Variants in RABGGTA observed in about 807,000 individuals in gnomAD.
The protein encoded by RABGGTA is geranylgeranyl transferase type-2 subunit alpha.
In RABGGTA, 69 loss-of-function variants were observed where a neutral mutation model predicts 83.3. The ratio of observed to expected loss-of-function variants is 0.83; its 90% CI spans 0.68 to 1.01. The LOEUF (loss-of-function observed/expected upper bound fraction) is 1.01, where lower values mean the gene tolerates loss of function less well. RABGGTA is among the 50% of genes least tolerant of loss of function. The probability of loss-of-function intolerance (pLI) is 0.00; values close to 1 mark genes in which losing one functional copy is unlikely to be tolerated. For synonymous variants in RABGGTA, 310 were observed against 299.8 expected, an observed-to-expected ratio of 1.03 and a Z score of -0.35; for missense variants, 681 against 712.7, an observed-to-expected ratio of 0.96 and a Z score of 0.51.
chr14:24,269,089 G>A lies in RABGGTA; in HGVS notation c.706C>T (p.Leu236=), dbSNP rs747307493. ...TTTCCTCATTGCTCACCTCGGCCTA[G>A]GAGCCAACGGTGATAAAACCAGGCA... The part of the protein sequence containing the change: ...QSAWFYHRWL[L]GRADPQDALR... The change falls in exon 7 of 17, where the codon CTA becomes TTA. Residue 236 remains leucine (L), a synonymous_variant. Coordinates refer to ENST00000216840, the MANE Select transcript of RABGGTA (RefSeq NM_182836.3). 8 of 1,609,098 alleles carry A rather than the reference G, an allele frequency of 5.0e-6. No individual in the cohort carries two copies. The highest frequency in any genetic ancestry group is 6.8e-6 in the Non-Finnish European group (8 of 1,177,706).
At chr14:24,265,803 C>T in intron 16 of RABGGTA, 40 bp from the exon 17 acceptor site, 1 of 1,560,962 alleles carries the variant, frequency 6.4e-7, no homozygotes, top group East Asian at 2.3e-5. Flanking sequence ...CAGGTTCCTC[C>T]CAATTTATTT....
intron 14 of RABGGTA, 58 bp downstream of exon 14, chr14:24,267,602 G>A (rs2040889441): frequency 4.3e-6 from 6 of 1,410,826 alleles, no homozygotes; most frequent in East Asian, 2.4e-5. Flanking sequence ...GCAAAGTCAG[G>A]GACGTGGGGA....
Position 24,267,957 on chromosome 14 carries a change from C to A in RABGGTA, c.1149G>T (p.Trp383Cys). The change falls in exon 13 of 17, where the codon TGG becomes TGT. Residue 383 changes from tryptophan (W) to cysteine (C), a missense_variant and splice_region_variant. Trp to Cys is a radical substitution (Grantham distance 215). Transcript: ENST00000216840. ...TCAGCAGGATGATGGTAAGCAGGCA[C>A]CCTGAGGAGAGGGCAGGGAAAAGGA... ...ELQELEPENK[W>C]CLLTIILLMR... 6.2e-7 allele frequency: 1 copy of A among 1,613,654 alleles called. No individual in the cohort carries two copies. Among genetic ancestry groups the A allele is most frequent in the Non-Finnish European group, 8.5e-7 (1 of 1,179,776 alleles).
In RABGGTA at chr14:24,268,624, G is replaced by A; in HGVS notation, c.901-5C>T. On this transcript the variant is annotated splice_region_variant and splice_polypyrimidine_tract_variant and intron_variant, in intron 9 of 16. Transcript: ENST00000216840. Reference sequence around the variant, plus strand: ...GGCAGCAGGCAGGTCACAGAGCTGGGAGTACTGGGTCAAGGAAATGCCCCA... The same window carrying A: ...GGCAGCAGGCAGGTCACAGAGCTGGAAGTACTGGGTCAAGGAAATGCCCCA... 6.2e-7 allele frequency: 1 copy of A among 1,613,610 alleles called. No homozygotes were observed. The highest frequency in any genetic ancestry group is 8.5e-7 in the Non-Finnish European group (1 of 1,179,604).
chr14:24,266,933 A>T, intron 14 of RABGGTA, 44 bp from the exon 15 acceptor site: 5 of 1,439,056 alleles, frequency 3.5e-6, no homozygotes, highest in Non-Finnish European at 4.9e-6. Context: ...TTCCCAGGAG[A>T]CCTGGGAGAG....
Position 24,265,665 on chromosome 14 carries a change from A to G in RABGGTA, c.1654T>C (p.Leu552=), listed in dbSNP as rs1233444110. 25 of 1,613,616 alleles carry G rather than the reference A, an allele frequency of 1.5e-5. No individual in the cohort carries two copies. Among genetic ancestry groups the G allele is most frequent in the Non-Finnish European group, 2.0e-5 (24 of 1,179,820 alleles). The change falls in exon 17 of 17, where the codon TTG becomes CTG. Residue 552 remains leucine, a synonymous_variant. Coordinates refer to ENST00000216840, the MANE Select transcript of RABGGTA (RefSeq NM_182836.3). Reference sequence around the variant, plus strand: ...GGCAGCAGTTCAGCCAGTTGCTCCAAGATGCCCACCGCTTGGCACAGCGGG... The same window carrying G: ...GGCAGCAGTTCAGCCAGTTGCTCCAGGATGCCCACCGCTTGGCACAGCGGG... The part of the protein sequence containing the change: ...GNPLCQAVGI[L]EQLAELLPSV...
chr14:24,267,690 G>A lies in RABGGTA; in HGVS notation c.1323C>T (p.Ala441=), dbSNP rs754720140. ...GAGCCAGGTGCAGCACACGCACCTC[G>A]GCATACTCCATCTTGAGCACGCTAT... ...LENSVLKMEY[A]EVRVLHLAHK... Residue 441 remains alanine (A), a synonymous_variant, in exon 14 of 17, where the codon GCC becomes GCT. Transcript: ENST00000216840. 1.5e-5 allele frequency: 24 copies of A among 1,611,666 alleles called. No individual in the cohort carries two copies. Among genetic ancestry groups the A allele is most frequent in the Admixed American group, 1.0e-4 (6 of 59,958 alleles).
rs1198657322 is a variant in RABGGTA, at chr14:24,266,314, GC to G, written c.1555+115del. 5 of 922,912 alleles carry G rather than the reference GC, an allele frequency of 5.4e-6. No individual in the cohort carries two copies. In the African/African-American group the frequency reaches 8.1e-5, roughly 15 times the overall value. 57.2% of individuals were successfully genotyped at this position (922,912 alleles called of 1,614,324 possible). A position where few individuals can be genotyped will look rare whatever the true frequency, so the allele number is the denominator to read the frequency against. On this transcript the variant is annotated intron_variant, in intron 16 of 16. Transcript: ENST00000216840. The stretch of plus-strand genomic sequence containing the variant: ...CTCCCCCTTCAACTCACACTACAGA[GC>G]CCCCTCTCTCCTGCCCTGCAAGAGG...
At chr14:24,269,893 G>A in intron 5 of RABGGTA, 60 bp downstream of exon 5, 1 of 1,575,370 alleles carries the variant, frequency 6.3e-7, no homozygotes, top group Non-Finnish European at 8.6e-7. Flanking sequence ...CCTTACTGAG[G>A]CCCCAGTACC....
Position 24,270,013 on chromosome 14 carries a change from G to C in RABGGTA, c.367C>G (p.Pro123Ala). ...RCWLLGRLPE[P>A]NWTRELELCA... ...AGCTCCAGCTCTCGGGTCCAGTTGGGCTCAGGCAGGCGGCCTAGCAGCCAG... is the reference window on the plus strand; with the variant it reads ...AGCTCCAGCTCTCGGGTCCAGTTGGCCTCAGGCAGGCGGCCTAGCAGCCAG... Residue 123 changes from proline (P) to alanine (A), a missense_variant, in exon 5 of 17, where the codon CCC (proline) becomes GCC (alanine). Physicochemically the swap from Pro to Ala is conservative, Grantham distance 27. Transcript: ENST00000216840. The C allele has an allele frequency of 6.2e-7, 1 of 1,613,614 alleles. No homozygotes were observed. Among genetic ancestry groups the C allele is most frequent in the Non-Finnish European group, 8.5e-7 (1 of 1,179,762 alleles).
At chr14:24,266,360 C>T in intron 16 of RABGGTA, 70 bp downstream of exon 16, 1 of 1,416,102 alleles carries the variant, frequency 7.1e-7, no homozygotes, top group Non-Finnish European at 1.0e-6. Flanking sequence ...ACCCTGCCTG[C>T]TGTCTGTCCC....
rs373930344 is a variant in RABGGTA, at chr14:24,265,729, G to A, written c.1590C>T (p.Ala530=). 7 of 1,611,956 alleles carry A rather than the reference G, an allele frequency of 4.3e-6. No individual in the cohort carries two copies. Among genetic ancestry groups the A allele is most frequent in the South Asian group, 2.2e-5 (2 of 90,644 alleles). The change falls in exon 17 of 17, where the codon GCC becomes GCT. Residue 530 remains alanine, a synonymous_variant. Coordinates refer to ENST00000216840, the MANE Select transcript of RABGGTA (RefSeq NM_182836.3). Reference sequence around the variant, plus strand: ...TGAGGAGGACCAGCCTGGGGCAGGAGGCAAGAGGCTGGAGCACTGCAGGCT... The same window carrying A: ...TGAGGAGGACCAGCCTGGGGCAGGAAGCAAGAGGCTGGAGCACTGCAGGCT... ...LQQPAVLQPL[A]SCPRLVLLNL...
In RABGGTA at chr14:24,271,516, G is replaced by T. The variant is rs926111704; in HGVS notation, c.-84C>A. 11 of 173,100 alleles carry T rather than the reference G, an allele frequency of 6.4e-5. No individual in the cohort carries two copies. The highest frequency in any genetic ancestry group is 1.2e-4 in the Non-Finnish European group (10 of 82,348). The allele number at this position is 173,100 out of a possible 1,614,324, so 10.7% of individuals were successfully genotyped here. ...GCTGGGAGGAGGCGCGGGGGACGCG[G>T]AGCTGCGGCGCCCGCCACAGAGCCC... On this transcript the variant is annotated 5_prime_UTR_variant, in exon 1 of 17. Transcript: ENST00000216840.
intron 2 of RABGGTA, 36 bp downstream of exon 2, chr14:24,271,077 C>A: frequency 6.4e-7 from 1 of 1,567,712 alleles, no homozygotes; most frequent in Non-Finnish European, 8.7e-7. Flanking sequence ...AGGGCGCGGG[C>A]CTGCGGAGGT....
chr14:24,267,741 G>A lies in RABGGTA; in HGVS notation c.1272C>T (p.Asp424=). ...VDPMRATYLD[D]LRSKFLLENS... ...TCTCCAGCAAGAACTTGCTGCGCAG[G>A]TCATCCAGATACGTTGCCCGCATGG... Residue 424 remains aspartate (D), a synonymous_variant, in exon 14 of 17, where the codon GAC becomes GAT. Transcript: ENST00000216840. 2 of 1,612,230 alleles carry A rather than the reference G, an allele frequency of 1.2e-6. No individual in the cohort carries two copies. The highest frequency in any genetic ancestry group is 1.7e-6 in the Non-Finnish European group (2 of 1,179,840).
At chr14:24,266,984 C>T in intron 14 of RABGGTA, 95 bp from the exon 15 acceptor site, 1 of 914,980 alleles carries the variant, frequency 1.1e-6, no homozygotes, top group Non-Finnish European at 1.8e-6. Context: ...CCCTCTGTGC[C>T]CCACAGGCCC....
intron 14 of RABGGTA, among the ~76,000 whole-genome samples, chr14:24,267,319 G>GT (rs370447071): frequency 2.6e-5 from 4 of 152,306 alleles, no homozygotes; most frequent in African/African-American, 9.6e-5. Flanking sequence ...TCTCTGGAAA[G>GT]TATTTGGCCT....
Position 24,271,131 on chromosome 14 carries a change from T to C in RABGGTA, c.-16A>G, listed in dbSNP as rs1566389375. 3 of 1,539,350 alleles carry C rather than the reference T, an allele frequency of 1.9e-6. No homozygotes were observed. In the African/African-American group the frequency reaches 4.2e-5, roughly 21 times the overall value. ...TTCTCACCATGGTGCCGGCTCAGGG[T>C]TCAAGACAGGGGAAGGGTCCAGTGG... is the stretch of plus-strand genomic sequence containing the variant. On this transcript the variant is annotated 5_prime_UTR_variant, in exon 2 of 17. Coordinates refer to ENST00000216840, the MANE Select transcript of RABGGTA (RefSeq NM_182836.3).
chr14:24,271,281 C>T (rs993518945), intron 1 of RABGGTA, 112 bp from the exon 2 acceptor site: 16 of 861,784 alleles, frequency 1.9e-5, no homozygotes, highest in Non-Finnish European at 2.7e-5. Context: ...TAAAGAGGTC[C>T]TGGGACAGGC....
Sources: allele counts gnomAD v4.1 joint callset (sites outside exome capture counted in the v4.1 genomes callset), GRCh38; gene constraint gnomAD v4.1.1; transcripts MANE v1.5; gene names NCBI Gene and HGNC (gene_info 2026-07-23, HGNC 2026-07-21).